The following TMEM164 variants were observed in gnomAD, a reference collection of about 807,000 sequenced individuals.
TMEM164 encodes the protein RP13-360B22.2.
A neutral mutation model predicts 18.8 loss-of-function variants in TMEM164; 4 were observed. That is an observed-to-expected ratio of 0.21 (90% CI 0.10 to 0.49). TMEM164 has a LOEUF of 0.49. TMEM164 is among the 20% of genes least tolerant of loss of function. TMEM164 has a pLI of 0.98. For synonymous variants in TMEM164, 86 were observed against 101.7 expected, an observed-to-expected ratio of 0.85 and a Z score of 0.93; for missense variants, 108 against 239.9, an observed-to-expected ratio of 0.45 and a Z score of 3.63.
intron 2 of TMEM164, among the ~76,000 whole-genome samples, chrX:110,044,593 C>CTTT (rs56400284): frequency 2.8e-5 from 1 of 35,958 alleles, no homozygotes; most frequent in African/African-American, 1.2e-4. Context: ...CCATTCCTTG[C>CTTT]TTTTTTTTTT....
In TMEM164 at chrX:110,118,533, C is replaced by A. The variant is rs192376057; in HGVS notation, c.507+9387C>A. Among the ~76,000 whole-genome samples, 139 of 111,453 alleles carry A rather than the reference C, an allele frequency of 1.2e-3. 2 individuals carry two copies. Among genetic ancestry groups the A allele is most frequent in the Middle Eastern group, 4.6e-3 (1 of 217 alleles). ...GTTTGTTTACTTCAAATCCAGGACT[C>A]TTTTCTGCTTTGCCATTCTCATTAT... is the stretch of plus-strand genomic sequence containing the variant. On this transcript the variant is annotated intron_variant, in intron 4 of 6. Transcript: ENST00000372068.
intron 5 of TMEM164, among the ~76,000 whole-genome samples, chrX:110,167,317 T>C (rs966775621): frequency 8.9e-6 from 1 of 112,704 alleles, no homozygotes; most frequent in East Asian, 2.8e-4. Context: ...CTATGGGTAG[T>C]GGCAGAGCCA....
chrX:110,042,076 G>A (rs1024812090), intron 2 of TMEM164, among the ~76,000 whole-genome samples: 6 of 110,411 alleles, frequency 5.4e-5, no homozygotes, highest in Non-Finnish European at 9.5e-5. Flanking sequence ...TGTACACTTC[G>A]GTAGCATTAA....
chrX:110,024,991 GGTGT>G (rs3082762), intron 2 of TMEM164, among the ~76,000 whole-genome samples: 8 of 100,192 alleles, frequency 8.0e-5, no homozygotes, highest in East Asian at 3.0e-4. Context: ...GTTATTGTTG[GGTGT>G]GTGTGTGTGT....
chrX:110,083,799 T>G (rs773751119), intron 3 of TMEM164, among the ~76,000 whole-genome samples: 6 of 112,071 alleles, frequency 5.4e-5, no homozygotes, highest in Non-Finnish European at 1.1e-4. Context: ...TTATTATATT[T>G]TCAAACTAGT....
chrX:110,028,774 A>C (rs1934318799), intron 2 of TMEM164, among the ~76,000 whole-genome samples: 1 of 111,937 alleles, frequency 8.9e-6, no homozygotes, highest in South Asian at 3.8e-4. Context: ...TGTCCACTAG[A>C]TCAACCTTGT....
chrX:110,145,924 T>C (rs59731521), intron 5 of TMEM164, among the ~76,000 whole-genome samples: 3,183 of 112,345 alleles, frequency 0.028, 117 homozygotes, highest in African/African-American at 0.098. Context: ...TGCCTTGATT[T>C]CTATCAGTTC....
At chrX:110,073,919 C>T (rs1028411605) in intron 3 of TMEM164, among the ~76,000 whole-genome samples, 1 of 110,854 alleles carries the variant, frequency 9.0e-6, no homozygotes, top group African/African-American at 3.3e-5. Context: ...GCTTTGTTGC[C>T]CAGGCTGGAG....
chrX:110,036,500 G>A (rs1449817114), intron 2 of TMEM164, among the ~76,000 whole-genome samples: 1 of 112,402 alleles, frequency 8.9e-6, no homozygotes, highest in African/African-American at 3.2e-5. Flanking sequence ...GAGCCTAGTA[G>A]AGAGCTTAGT....
intron 5 of TMEM164, among the ~76,000 whole-genome samples, chrX:110,160,907 ATTG>A (rs938939002): frequency 9.0e-5 from 10 of 111,480 alleles, no homozygotes; most frequent in Admixed American, 8.5e-4. Context: ...TGCCCAGCTA[ATTG>A]TTGTAATTTT....
intron 5 of TMEM164, among the ~76,000 whole-genome samples, chrX:110,163,509 G>C (rs926559197): frequency 2.7e-5 from 3 of 111,912 alleles, no homozygotes; most frequent in Non-Finnish European, 1.9e-5. Flanking sequence ...GTGCCCACCA[G>C]CTGCATGTGA....
At chrX:110,089,168 ATAT>A (rs922267754) in intron 3 of TMEM164, among the ~76,000 whole-genome samples, 15 of 112,226 alleles carry the variant, frequency 1.3e-4, no homozygotes, top group African/African-American at 2.9e-4. Flanking sequence ...AAGAAATAAA[ATAT>A]TATAGAAAGC....
intron 4 of TMEM164, among the ~76,000 whole-genome samples, chrX:110,127,687 C>T (rs190606749): frequency 8.9e-6 from 1 of 112,024 alleles, no homozygotes; most frequent in African/African-American, 3.2e-5. Context: ...AAAGGAACAG[C>T]AAGTAGTCCA....
intron 2 of TMEM164, among the ~76,000 whole-genome samples, chrX:110,030,585 G>A (rs1427249408): frequency 9.2e-6 from 1 of 108,154 alleles, no homozygotes; most frequent in East Asian, 2.9e-4. Flanking sequence ...TTTGGAGGCC[G>A]AGGCGGGCAG....
At chrX:110,150,451 A>G (rs752293408) in intron 5 of TMEM164, among the ~76,000 whole-genome samples, 1 of 112,338 alleles carries the variant, frequency 8.9e-6, no homozygotes, top group Non-Finnish European at 1.9e-5. Flanking sequence ...GGGATATAAC[A>G]TCAGCTTGCT....
intron 2 of TMEM164, among the ~76,000 whole-genome samples, chrX:110,022,747 G>T (rs1414190545): frequency 8.9e-6 from 1 of 112,080 alleles, no homozygotes; most frequent in Non-Finnish European, 1.9e-5. Flanking sequence ...AAAAGTATTA[G>T]ATGTGGTTTC....
chrX:110,082,145 G>T, intron 3 of TMEM164: 1 of 115,307 alleles, frequency 8.7e-6, no homozygotes. Flanking sequence ...TCCAGGGTGT[G>T]GAGCCAAAAT....
chrX:110,166,715 C>A (rs976841833), intron 5 of TMEM164, among the ~76,000 whole-genome samples: 19 of 112,173 alleles, frequency 1.7e-4, no homozygotes, highest in African/African-American at 6.2e-4. Context: ...TTACAGCTGA[C>A]ATGCTTCTCT....
intron 2 of TMEM164, chrX:110,046,295 C>A (rs1866136211): frequency 1.3e-6 from 1 of 754,228 alleles, no homozygotes; most frequent in Non-Finnish European, 1.6e-6. Context: ...CAACAGGGGG[C>A]CTTCTTTATC....
Sources: gnomAD v4.1 joint callset for allele counts (sites outside exome capture counted in the v4.1 genomes callset) on GRCh38, gnomAD v4.1.1 for gene constraint, MANE v1.5 for transcripts, NCBI Gene and HGNC (gene_info 2026-07-23, HGNC 2026-07-21) for gene names.